Variants in MAGI2 observed in about 807,000 individuals in gnomAD.
MAGI2 encodes membrane associated guanylate kinase, WW and PDZ domain containing 2.
MAGI2 carries 35 observed loss-of-function variants against 133.3 expected under a neutral mutation model. The ratio of observed to expected loss-of-function variants is 0.26; its 90% CI spans 0.20 to 0.35. The LOEUF (loss-of-function observed/expected upper bound fraction) is 0.35. MAGI2 is among the 10% of genes least tolerant of loss of function. MAGI2 has a pLI of 1.00. For synonymous variants in MAGI2, 729 were observed against 710.6 expected (o/e 1.03, Z -0.41); for missense variants, 1,636 against 1,863.4 (o/e 0.88, Z 2.25).
chr7:78,194,034 G>C (rs2150735871), intron 12 of MAGI2, among the ~76,000 whole-genome samples: 1 of 152,166 alleles, frequency 6.6e-6, no homozygotes, highest in East Asian at 1.9e-4. Context: ...TTGGAAACAA[G>C]ACATTGATGG....
chr7:78,140,945 C>T (rs1822679742), intron 16 of MAGI2, among the ~76,000 whole-genome samples: 1 of 152,058 alleles, frequency 6.6e-6, no homozygotes, highest in Non-Finnish European at 1.5e-5. Context: ...GCAAATATAA[C>T]GTGCAGCAAA....
intron 2 of MAGI2, among the ~76,000 whole-genome samples, chr7:78,648,950 G>A (rs1245842615): frequency 1.3e-5 from 2 of 151,754 alleles, no homozygotes; most frequent in African/African-American, 4.8e-5. Flanking sequence ...TTTCACCCTG[G>A]GTGACCAGTC....
chr7:78,029,041 T>C (rs894042002), intron 21 of MAGI2, among the ~76,000 whole-genome samples: 1 of 152,122 alleles, frequency 6.6e-6, no homozygotes, highest in Non-Finnish European at 1.5e-5. Context: ...CTTATTAATA[T>C]AACCTTATTA....
In MAGI2 at chr7:78,741,376, AACACACACACACACACACACACAC is replaced by A. The variant is rs55784786; in HGVS notation, c.419-114161_419-114138del. 8.5e-3 allele frequency among the ~76,000 whole-genome samples: 995 copies of A among 117,548 alleles called. 6 individuals carry two copies. Among genetic ancestry groups the A allele is most frequent in the Non-Finnish European group, 0.011 (646 of 57,802 alleles). 77.1% of individuals were successfully genotyped at this position (117,548 alleles called of 152,430 possible). A position where few individuals can be genotyped will look rare whatever the true frequency, so the allele number is the denominator to read the frequency against. The stretch of plus-strand genomic sequence containing the variant: ...TGGAGGAATAGAAGAAAAAAGTTGA[AACACACACACACACACACACACAC>A]ACACACACACACACACACACACACA... On this transcript the variant is annotated intron_variant, in intron 2 of 21. Transcript: ENST00000354212.
intron 1 of MAGI2, among the ~76,000 whole-genome samples, chr7:79,378,926 G>GTGTATATATATATA (rs1158436636): frequency 4.2e-5 from 4 of 94,594 alleles, no homozygotes; most frequent in African/African-American, 1.1e-4. Flanking sequence ...ATGTGTGTGT[G>GTGTATATATATATA]TATATATATA....
At chr7:78,401,718 A>T (rs1047942301) in intron 6 of MAGI2, among the ~76,000 whole-genome samples, 1 of 152,152 alleles carries the variant, frequency 6.6e-6, no homozygotes, top group Admixed American at 6.6e-5. Flanking sequence ...ATACATCGAC[A>T]GCTGTTAGTA....
chr7:78,306,569 T>G (rs1798259242), intron 9 of MAGI2, among the ~76,000 whole-genome samples: 1 of 152,202 alleles, frequency 6.6e-6, no homozygotes, highest in Admixed American at 6.5e-5. Flanking sequence ...TTAATGAAGC[T>G]TATTAGTAAA....
chr7:79,200,743 G>T (rs1468644711), intron 1 of MAGI2, among the ~76,000 whole-genome samples: 1 of 151,840 alleles, frequency 6.6e-6, no homozygotes, highest in African/African-American at 2.4e-5. Flanking sequence ...AAGCCAATTG[G>T]TAACAGTGAC....
At chr7:78,724,136 G>A (rs1216829192) in intron 2 of MAGI2, among the ~76,000 whole-genome samples, 2 of 152,090 alleles carry the variant, frequency 1.3e-5, no homozygotes, top group African/African-American at 4.8e-5. Flanking sequence ...TGATTAAAAG[G>A]ATAACTAAAG....
At chr7:79,104,880 C>G (rs1045176154) in intron 1 of MAGI2, among the ~76,000 whole-genome samples, 1 of 152,136 alleles carries the variant, frequency 6.6e-6, no homozygotes, top group African/African-American at 2.4e-5. Context: ...GAAGCTCTCA[C>G]GCCTGTTTGG....
chr7:79,259,293 A>AT (rs1452977108), intron 1 of MAGI2, among the ~76,000 whole-genome samples: 6 of 152,144 alleles, frequency 3.9e-5, no homozygotes, highest in Admixed American at 6.5e-5. Context: ...CTTAACATAT[A>AT]TTTTTTCACT....
intron 1 of MAGI2, among the ~76,000 whole-genome samples, chr7:79,067,397 T>C (rs1246387014): frequency 6.6e-6 from 1 of 152,172 alleles, no homozygotes; most frequent in African/African-American, 2.4e-5. Flanking sequence ...ATGATTTGGC[T>C]CTCTGTTTGT....
At chr7:78,705,297 C>T (rs1818528704) in intron 2 of MAGI2, among the ~76,000 whole-genome samples, 1 of 152,082 alleles carries the variant, frequency 6.6e-6, no homozygotes, top group Non-Finnish European at 1.5e-5. Flanking sequence ...TCTCTCTTCT[C>T]TCTCCTGCTG....
intron 1 of MAGI2, among the ~76,000 whole-genome samples, chr7:79,223,607 C>A (rs141888389): frequency 2.6e-5 from 4 of 152,060 alleles, no homozygotes; most frequent in Non-Finnish European, 4.4e-5. Flanking sequence ...GTGAGAGAAT[C>A]GCCTGAGCCC....
intron 1 of MAGI2, among the ~76,000 whole-genome samples, chr7:79,010,571 G>A (rs1297462576): frequency 6.6e-6 from 1 of 151,986 alleles, no homozygotes; most frequent in Non-Finnish European, 1.5e-5. Context: ...TTTAGTGTTT[G>A]TAGAGTTTCT....
intron 1 of MAGI2, among the ~76,000 whole-genome samples, chr7:79,197,728 A>C (rs539557133): frequency 6.6e-6 from 1 of 152,066 alleles, no homozygotes; most frequent in Admixed American, 6.5e-5. Context: ...TCCAAGGTGA[A>C]GGCTGTACCG....
intron 1 of MAGI2, among the ~76,000 whole-genome samples, chr7:79,320,439 G>A (rs986271963): frequency 6.6e-6 from 1 of 151,988 alleles, no homozygotes; most frequent in Admixed American, 6.6e-5. Flanking sequence ...GCCCTTCATA[G>A]GTGTAACATA....
chr7:79,070,855 C>G (rs1814894901), intron 1 of MAGI2, among the ~76,000 whole-genome samples: 1 of 152,072 alleles, frequency 6.6e-6, no homozygotes, highest in Admixed American at 6.5e-5. Context: ...AACCTTTTTT[C>G]AAGGTTCTTA....
chr7:78,370,378 C>G (rs902038826), intron 6 of MAGI2, among the ~76,000 whole-genome samples: 6 of 151,912 alleles, frequency 3.9e-5, no homozygotes. Flanking sequence ...CAACAGTAGT[C>G]GGCAGCACAG....
Sources: gnomAD v4.1 joint callset for allele counts (sites outside exome capture counted in the v4.1 genomes callset) on GRCh38, gnomAD v4.1.1 for gene constraint, MANE v1.5 for transcripts, NCBI Gene and HGNC (gene_info 2026-07-23, HGNC 2026-07-21) for gene names.